NNAT: variants seen among roughly 807,000 people sequenced by gnomAD.
The protein encoded by NNAT is neuronatin.
Under a neutral mutation model 12.7 loss-of-function variants are expected in NNAT, and 8 were observed. The ratio of observed to expected loss-of-function variants is 0.63; its 90% CI spans 0.37 to 1.14. NNAT has a LOEUF of 1.14. Among genes scored for constraint, NNAT ranks in the 50% most tolerant of loss-of-function variants. The pLI, the probability that NNAT is intolerant of heterozygous loss-of-function variation, is 0.01. For missense variants in NNAT, 94 were observed against 108.3 expected, an observed-to-expected ratio of 0.87 and a Z score of 0.59; for synonymous variants, 52 against 48.5, an observed-to-expected ratio of 1.07 and a Z score of -0.30.
intron 1 of NNAT, among the ~76,000 whole-genome samples, chr20:37,522,116 A>G (rs1190699316): frequency 6.6e-6 from 1 of 151,310 alleles, no homozygotes; most frequent in Non-Finnish European, 1.5e-5. Context: ...ATTAGAGGAA[A>G]AAGCCCCTCG....
At position 37,521,593 on chromosome 20, in the gene NNAT, C is replaced by T. The variant is rs573469256; in HGVS notation, c.72+190C>T. On this transcript the variant is annotated intron_variant, in intron 1 of 2. Transcript: ENST00000649451. This position sits in a 1 kb window ranked among gnomAD's most constrained non-coding sequence, Gnocchi z 4.5. ...CCTGCGCCGTCCTCCTCGCGCTGACCCTCCCTAGTGCGCCCGCGCCTGCCA... is the reference window on the plus strand; with the variant it reads ...CCTGCGCCGTCCTCCTCGCGCTGACTCTCCCTAGTGCGCCCGCGCCTGCCA... 3 of 617,174 alleles carry T rather than the reference C, an allele frequency of 4.9e-6. No individual in the cohort carries two copies. In the African/African-American group the frequency reaches 5.6e-5, roughly 11 times the overall value. 38.2% of individuals were successfully genotyped at this position (617,174 alleles called of 1,614,324 possible).
rs562077608 is a variant in NNAT, at chr20:37,521,288, G to A, written c.-44G>A. 3 of 1,605,484 alleles carry A rather than the reference G, an allele frequency of 1.9e-6. No homozygotes were observed. Among genetic ancestry groups the A allele is most frequent in the South Asian group, 2.2e-5 (2 of 90,878 alleles). On this transcript the variant is annotated 5_prime_UTR_variant, in exon 1 of 3. Coordinates refer to ENST00000649451, the MANE Select transcript of NNAT (RefSeq NM_005386.4). The surrounding 1 kb of genome is among the most constrained non-coding windows in gnomAD (Gnocchi z 4.5). ...GCGGACTCCGAGACCAGCGGATCTC[G>A]GCAAACCCTCTTTCTCGACCACCCA...
rs562077608 is a variant in NNAT at position 37,521,288 on chromosome 20, G to C, written c.-44G>C. On this transcript the variant is annotated 5_prime_UTR_variant, in exon 1 of 3. Transcript: ENST00000649451. This position sits in a 1 kb window ranked among gnomAD's most constrained non-coding sequence, Gnocchi z 4.5. ...GCGGACTCCGAGACCAGCGGATCTC[G>C]GCAAACCCTCTTTCTCGACCACCCA... is the stretch of plus-strand genomic sequence containing the variant. 1.9e-6 allele frequency: 3 copies of C among 1,605,484 alleles called. No homozygotes were observed. Among genetic ancestry groups the C allele is most frequent in the Non-Finnish European group, 2.6e-6 (3 of 1,172,346 alleles).
In NNAT at chr20:37,523,506, G is replaced by C. The variant is rs1209080666; in HGVS notation, c.*747G>C. Reference sequence around the variant, plus strand: ...TCTTGCTTTTCCCTGGTCTCATGCAGTTGTGGTCAATATTGTGGTAATCGC... The same window carrying C: ...TCTTGCTTTTCCCTGGTCTCATGCACTTGTGGTCAATATTGTGGTAATCGC... On this transcript the variant is annotated 3_prime_UTR_variant, in exon 3 of 3. Coordinates refer to ENST00000649451, the MANE Select transcript of NNAT (RefSeq NM_005386.4). 3 of 152,726 alleles carry C rather than the reference G, an allele frequency of 2.0e-5. No homozygotes were observed. Among genetic ancestry groups the C allele is most frequent in the Non-Finnish European group, 4.4e-5 (3 of 68,088 alleles). The allele number at this position is 152,726 out of a possible 1,614,324, so 9.5% of individuals were successfully genotyped here. A position where few individuals can be genotyped will look rare whatever the true frequency, so the allele number is the denominator to read the frequency against.
Position 37,522,681 on chromosome 20 carries a change from C to A in NNAT, c.168C>A (p.Ser56=), listed in dbSNP as rs2071626939. 2 of 1,611,888 alleles carry A rather than the reference C, an allele frequency of 1.2e-6. No individual in the cohort carries two copies. Among genetic ancestry groups the A allele is most frequent in the African/African-American group, 1.3e-5 (1 of 74,878 alleles). ...TCTCGTCGCAGGTGTTCAGGTACTC[C>A]CTGCAGAAGCTGGCATACACGGTGT... ...PIARSEVFRY[S]LQKLAYTVSR... is the part of the protein sequence containing the mutation. The change falls in exon 3 of 3, where the codon TCC becomes TCA. Residue 56 remains serine (S), a synonymous_variant. Transcript: ENST00000649451.
chr20:37,522,180 C>CCAA (rs149299117), intron 1 of NNAT, among the ~76,000 whole-genome samples, 178 bp from the exon 2 acceptor site: 21 of 104,776 alleles, frequency 2.0e-4, no homozygotes, highest in Non-Finnish European at 3.8e-4. Context: ...AATTGCTTTA[C>CCAA]AAAAAAAAAA....
intron 1 of NNAT, 26 bp from the exon 2 acceptor site, chr20:37,522,316 TAAAGGAATCCTTTGCC>T (rs1304828611): frequency 1.3e-6 from 2 of 1,555,674 alleles, no homozygotes. Flanking sequence ...AATTCCCTGC[TAAAGGAATCCTTTGCC>T]AAAGGAATCG....
rs1209933714 is a variant in NNAT, at chr20:37,522,868, G to T, written c.*109G>T. ...AATGTGGGGTCCCCTGTGTTCCCTC[G>T]CCAGAGGAGCACTTGGCAAGGTCAG... On this transcript the variant is annotated 3_prime_UTR_variant, in exon 3 of 3. Coordinates refer to ENST00000649451, the MANE Select transcript of NNAT (RefSeq NM_005386.4). 2 of 967,670 alleles carry T rather than the reference G, an allele frequency of 2.1e-6. No individual in the cohort carries two copies. The highest frequency in any genetic ancestry group is 2.7e-5 in the Admixed American group (1 of 37,578). The allele number at this position is 967,670 out of a possible 1,614,324, so 59.9% of individuals were successfully genotyped here.
At position 37,523,048 on chromosome 20, in the gene NNAT, G is replaced by A. The variant is rs1349182411; in HGVS notation, c.*289G>A. ...CCCCTGAGATCTGGGCATAGGCACC[G>A]CATTCTGATCTGGACAAAGTCGGGA... is the stretch of plus-strand genomic sequence containing the variant. On this transcript the variant is annotated 3_prime_UTR_variant, in exon 3 of 3. Coordinates refer to ENST00000649451, the MANE Select transcript of NNAT (RefSeq NM_005386.4). The A allele has an allele frequency of 1.1e-5, 4 of 376,590 alleles. No homozygotes were observed. Among genetic ancestry groups the A allele is most frequent in the Non-Finnish European group, 1.9e-5 (4 of 209,582 alleles). The allele number at this position is 376,590 out of a possible 1,614,324, so 23.3% of individuals were successfully genotyped here. A position where few individuals can be genotyped will look rare whatever the true frequency, so the allele number is the denominator to read the frequency against.
intron 2 of NNAT, 69 bp from the exon 3 acceptor site, chr20:37,522,598 G>GGGGGGGGGGGGGGGGGCCC: frequency 2.3e-6 from 2 of 864,376 alleles, no homozygotes; most frequent in East Asian, 4.6e-5. Context: ...GCGGGGGTGG[G>GGGGGGGGGGGGGGGGGCCC]CACGGCAGCA....
chr20:37,522,319 A>G, intron 1 of NNAT, 39 bp from the exon 2 acceptor site: 1 of 1,565,414 alleles, frequency 6.4e-7, no homozygotes. Context: ...TCCCTGCTAA[A>G]GGAATCCTTT....
At position 37,522,771 on chromosome 20, in the gene NNAT, C is replaced by T. The variant is rs1329763256; in HGVS notation, c.*12C>T. ...GAGCCCCCAACTGAGGCCCCAGCTC[C>T]CAGCCCTGGGCGGCCGTATCATCAG... On this transcript the variant is annotated 3_prime_UTR_variant, in exon 3 of 3. Transcript: ENST00000649451. 3.1e-6 allele frequency: 5 copies of T among 1,588,566 alleles called. No individual in the cohort carries two copies. The highest frequency in any genetic ancestry group is 4.3e-6 in the Non-Finnish European group (5 of 1,168,356).
chr20:37,521,279 G>C lies in NNAT; in HGVS notation c.-53G>C. 1 of 1,587,486 alleles carries C rather than the reference G, an allele frequency of 6.3e-7. No homozygotes were observed. Among genetic ancestry groups the C allele is most frequent in the South Asian group, 1.1e-5 (1 of 90,510 alleles). ...CGCCCAACAGCGGACTCCGAGACCA[G>C]CGGATCTCGGCAAACCCTCTTTCTC... On this transcript the variant is annotated 5_prime_UTR_variant, in exon 1 of 3. Coordinates refer to ENST00000649451, the MANE Select transcript of NNAT (RefSeq NM_005386.4). The surrounding 1 kb of genome is among the most constrained non-coding windows in gnomAD (Gnocchi z 4.5).
chr20:37,522,216 G>T, intron 1 of NNAT, 142 bp from the exon 2 acceptor site: 1 of 410,714 alleles, frequency 2.4e-6, no homozygotes, highest in Non-Finnish European at 4.2e-6. Flanking sequence ...ATAAAAAAGA[G>T]GCAAAAGCGC....
In NNAT at chr20:37,522,650, T is replaced by C; in HGVS notation, c.154-17T>C. ...GGTGCTCTCCACTAAGGGTGGGTCC[T>C]GGGTTTCTCGTCGCAGGTGTTCAGG... On this transcript the variant is annotated splice_polypyrimidine_tract_variant and intron_variant, in intron 2 of 2. Coordinates refer to ENST00000649451, the MANE Select transcript of NNAT (RefSeq NM_005386.4). The C allele has an allele frequency of 6.2e-7, 1 of 1,605,070 alleles. No individual in the cohort carries two copies. The highest frequency in any genetic ancestry group is 1.7e-5 in the Admixed American group (1 of 59,164).
At position 37,522,718 on chromosome 20, in the gene NNAT, C is replaced by A. The variant is rs1430243141; in HGVS notation, c.205C>A (p.Arg69=). Residue 69 remains arginine, a synonymous_variant, in exon 3 of 3, where the codon CGG becomes AGG. Transcript: ENST00000649451. Reference sequence around the variant, plus strand: ...GGCATACACGGTGTCGCGGACCGGGCGGCAGGTGTTGGGGGAGCGCAGGCA... The same window carrying A: ...GGCATACACGGTGTCGCGGACCGGGAGGCAGGTGTTGGGGGAGCGCAGGCA... ...KLAYTVSRTG[R]QVLGERRQRA... The A allele has an allele frequency of 1.8e-5, 29 of 1,611,698 alleles. No individual in the cohort carries two copies. Among genetic ancestry groups the A allele is most frequent in the Non-Finnish European group, 2.3e-5 (27 of 1,179,420 alleles).
rs1027763260 is a variant in NNAT, at chr20:37,522,427, G to A, written c.142G>A (p.Ala48Thr). Residue 48 changes from alanine to threonine, a missense_variant, in exon 2 of 3, where the codon GCG (alanine) becomes ACG (threonine). Coordinates refer to ENST00000649451, the MANE Select transcript of NNAT (RefSeq NM_005386.4). Reference protein sequence around the residue: ...FRNPPGTQPIARSEVFRYSLQ... With the variant: ...FRNPPGTQPITRSEVFRYSLQ... The stretch of plus-strand genomic sequence containing the variant: ...AAATCCTCCAGGGACACAGCCCATT[G>A]CGAGAAGTGAGGTATACCTAAGTTG... 3 of 1,613,864 alleles carry A rather than the reference G, an allele frequency of 1.9e-6. No homozygotes were observed. The highest frequency in any genetic ancestry group is 2.2e-5 in the South Asian group (2 of 91,076).
At position 37,522,000 on chromosome 20, in the gene NNAT, C is replaced by G. The variant is rs930691416; in HGVS notation, c.73-358C>G. Among the ~76,000 whole-genome samples, 1 of 148,348 alleles carries G rather than the reference C, an allele frequency of 6.7e-6. No homozygotes were observed. Among genetic ancestry groups the G allele is most frequent in the Admixed American group, 6.7e-5 (1 of 15,002 alleles). On this transcript the variant is annotated intron_variant, in intron 1 of 2. Coordinates refer to ENST00000649451, the MANE Select transcript of NNAT (RefSeq NM_005386.4). This position sits in a 1 kb window ranked among gnomAD's most constrained non-coding sequence, Gnocchi z 4.5. ...AGGAAAAATAAATCGGAGAAAAGCACTTGGCAGAAAAAAATGCATTAGATT... is the reference window on the plus strand; with the variant it reads ...AGGAAAAATAAATCGGAGAAAAGCAGTTGGCAGAAAAAAATGCATTAGATT...
In NNAT at chr20:37,522,660, G is replaced by C. The variant is rs1320498608; in HGVS notation, c.154-7G>C. On this transcript the variant is annotated splice_polypyrimidine_tract_variant and splice_region_variant and intron_variant, in intron 2 of 2. Transcript: ENST00000649451. ...ACTAAGGGTGGGTCCTGGGTTTCTC[G>C]TCGCAGGTGTTCAGGTACTCCCTGC... The C allele has an allele frequency of 1.9e-6, 3 of 1,608,396 alleles. No homozygotes were observed. Among genetic ancestry groups the C allele is most frequent in the Non-Finnish European group, 2.5e-6 (3 of 1,177,672 alleles).
Sources: allele counts gnomAD v4.1 joint callset (sites outside exome capture counted in the v4.1 genomes callset), GRCh38; gene constraint gnomAD v4.1.1; non-coding constraint Gnocchi (gnomAD v3.1); transcripts MANE v1.5; gene names NCBI Gene and HGNC (gene_info 2026-07-23, HGNC 2026-07-21).